The following IQCH variants were observed in gnomAD, a reference collection of about 807,000 sequenced individuals.
IQCH encodes the protein IQ domain-containing protein H.
Under a neutral mutation model 117.0 loss-of-function variants are expected in IQCH, and 98 were observed. The observed-to-expected ratio is 0.84, with a 90% CI of 0.71 to 0.99. The LOEUF is 0.99. IQCH is among the 50% of genes least tolerant of loss of function. The pLI, the probability that IQCH is intolerant of heterozygous loss-of-function variation, is 0.00. For missense variants in IQCH, 1,102 were observed against 1,243.8 expected (o/e 0.89, Z 1.72); for synonymous variants, 412 against 448.2 (o/e 0.92, Z 1.02).
Position 67,365,366 on chromosome 15 carries a change from T to C in IQCH, c.753+5481T>C, listed in dbSNP as rs1970296024. ...TAACTTGTATGATCATAGAACAGCTTTGTGCTGTGAACCCAGTCCAACTGG... is the reference window on the plus strand; with the variant it reads ...TAACTTGTATGATCATAGAACAGCTCTGTGCTGTGAACCCAGTCCAACTGG... On this transcript the variant is annotated intron_variant, in intron 8 of 20. Coordinates refer to ENST00000335894, the MANE Select transcript of IQCH (RefSeq NM_001031715.3). The surrounding 1 kb of genome is among the most constrained non-coding windows in gnomAD (Gnocchi z 4.4). Among the ~76,000 whole-genome samples the C allele has an allele frequency of 1.3e-5, 2 of 152,224 alleles. No individual in the cohort carries two copies. The highest frequency in any genetic ancestry group is 4.1e-4 in the South Asian group (2 of 4,836).
At chr15:67,415,096 T>G (rs2081544452) in intron 14 of IQCH, among the ~76,000 whole-genome samples, 1 of 152,144 alleles carries the variant, frequency 6.6e-6, no homozygotes, top group Admixed American at 6.6e-5. Context: ...AAAGATGGAT[T>G]TGGGGGACTG....
rs1402041608 is a variant in IQCH, at chr15:67,476,305, G to A, written c.2799+487G>A. 6.6e-6 allele frequency among the ~76,000 whole-genome samples: 1 copy of A among 152,254 alleles called. No individual in the cohort carries two copies. Among genetic ancestry groups the A allele is most frequent in the African/African-American group, 2.4e-5 (1 of 41,468 alleles). ...CTAGCAGATTTGGTTCCTGGTGAGG[G>A]CCTGCTTCCTGGCTTGTAAATGGCT... On this transcript the variant is annotated intron_variant, in intron 18 of 20. Transcript: ENST00000335894. The surrounding 1 kb of genome is among the most constrained non-coding windows in gnomAD (Gnocchi z 4.1).
chr15:67,469,184 CA>C (rs1052155600), intron 17 of IQCH, among the ~76,000 whole-genome samples: 4 of 152,170 alleles, frequency 2.6e-5, no homozygotes, highest in African/African-American at 9.6e-5. Flanking sequence ...CCACCTATTC[CA>C]AATGTGGTCA....
intron 15 of IQCH, among the ~76,000 whole-genome samples, chr15:67,420,660 A>T (rs139552184): frequency 8.2e-4 from 125 of 152,346 alleles, no homozygotes; most frequent in African/African-American, 2.9e-3. Context: ...GATTTTTGGC[A>T]TTCAAAGCAA....
At position 67,323,284 on chromosome 15, in the gene IQCH, C is replaced by A. The variant is rs67360912; in HGVS notation, c.388-13691C>A. Reference sequence around the variant, plus strand: ...TTGAGACGGAGTCTTGCTCTGTCGTCCAGGCTGGAGTGCAGTGGTGCGATC... The same window carrying A: ...TTGAGACGGAGTCTTGCTCTGTCGTACAGGCTGGAGTGCAGTGGTGCGATC... On this transcript the variant is annotated intron_variant, in intron 4 of 20. Transcript: ENST00000335894. Among the ~76,000 whole-genome samples, 250 of 139,110 alleles carry A rather than the reference C, an allele frequency of 1.8e-3. 2 individuals carry two copies. Among genetic ancestry groups the A allele is most frequent in the African/African-American group, 6.5e-3 (234 of 36,104 alleles). 91.3% of individuals were successfully genotyped at this position (139,110 alleles called of 152,430 possible).
At chr15:67,258,191 C>T (rs1344897520) in intron 1 of IQCH, among the ~76,000 whole-genome samples, 1 of 148,138 alleles carries the variant, frequency 6.8e-6, no homozygotes, top group Non-Finnish European at 1.5e-5. Context: ...GAGATTGCAC[C>T]AGTACACTCC....
Position 67,366,785 on chromosome 15 carries a change from C to T in IQCH, c.754-5326C>T, listed in dbSNP as rs928650239. Among the ~76,000 whole-genome samples the T allele has an allele frequency of 6.6e-6, 1 of 152,184 alleles. No homozygotes were observed. Among genetic ancestry groups the T allele is most frequent in the African/African-American group, 2.4e-5 (1 of 41,440 alleles). On this transcript the variant is annotated intron_variant, in intron 8 of 20. Transcript: ENST00000335894. This position sits in a 1 kb window ranked among gnomAD's most constrained non-coding sequence, Gnocchi z 4.4. Reference sequence around the variant, plus strand: ...GGCCCCAGAATACTGGAACACTACTCTTTGGGGTTCTCTCCCCATGACCAC... The same window carrying T: ...GGCCCCAGAATACTGGAACACTACTTTTTGGGGTTCTCTCCCCATGACCAC...
chr15:67,296,981 A>T (rs1404100163), intron 4 of IQCH, among the ~76,000 whole-genome samples: 1 of 152,116 alleles, frequency 6.6e-6, no homozygotes, highest in South Asian at 2.1e-4. Flanking sequence ...CTCCAATTCA[A>T]CTCCTGTAGG....
At chr15:67,271,277 T>A (rs1965889075) in intron 3 of IQCH, among the ~76,000 whole-genome samples, 1 of 152,228 alleles carries the variant, frequency 6.6e-6, no homozygotes. Flanking sequence ...CTATGGTGAA[T>A]GATCTTTTAA....
intron 8 of IQCH, among the ~76,000 whole-genome samples, chr15:67,362,296 A>G (rs949287298): frequency 6.7e-6 from 1 of 150,144 alleles, no homozygotes; most frequent in Non-Finnish European, 1.5e-5. Context: ...CTCCAAATTT[A>G]AAAAAAAAAT....
intron 14 of IQCH, among the ~76,000 whole-genome samples, chr15:67,414,218 G>A (rs190864015): frequency 2.8e-4 from 42 of 152,336 alleles, no homozygotes; most frequent in South Asian, 6.2e-4. Context: ...TAAGGACTAC[G>A]TCCTATGTTT....
chr15:67,255,536 A>G (rs1965130749), intron 1 of IQCH, among the ~76,000 whole-genome samples: 1 of 152,240 alleles, frequency 6.6e-6, no homozygotes, highest in Non-Finnish European at 1.5e-5. Context: ...TCAATTTGTA[A>G]TAGTTGCACT....
chr15:67,346,924 A>AAG (rs1423798209), intron 6 of IQCH, among the ~76,000 whole-genome samples: 2 of 152,062 alleles, frequency 1.3e-5, no homozygotes, highest in African/African-American at 4.8e-5. Flanking sequence ...CTTCTAAATA[A>AAG]CCCGTGGATC....
chr15:67,357,506 A>C (rs1485506051), intron 7 of IQCH, 85 bp downstream of exon 7: 1 of 871,862 alleles, frequency 1.1e-6, no homozygotes, highest in African/African-American at 1.7e-5. Flanking sequence ...CACGTTATTG[A>C]GTTGTACCTT....
intron 4 of IQCH, among the ~76,000 whole-genome samples, chr15:67,321,512 T>G: frequency 6.7e-6 from 1 of 149,926 alleles, no homozygotes; most frequent in East Asian, 2.0e-4. Context: ...TCTTTCTTTC[T>G]TTTTCTTTCT....
rs763884761 is a variant in IQCH, at chr15:67,416,907, G to T, written c.2098-24G>T. On this transcript the variant is annotated intron_variant, in intron 14 of 20. Transcript: ENST00000335894. This position sits in a 1 kb window ranked among gnomAD's most constrained non-coding sequence, Gnocchi z 5.1. ...CATTTCTGTAGTAAAATTGCTTGTGGTTCTATTTAATTTGTTTCTGCAGGA... is the reference window on the plus strand; with the variant it reads ...CATTTCTGTAGTAAAATTGCTTGTGTTTCTATTTAATTTGTTTCTGCAGGA... 4.5e-6 allele frequency: 7 copies of T among 1,549,596 alleles called. No individual in the cohort carries two copies. The Admixed American group carries it at 8.1e-5, about 18-fold the overall frequency.
At chr15:67,382,648 A>T (rs1970972853) in intron 10 of IQCH, among the ~76,000 whole-genome samples, 1 of 152,244 alleles carries the variant, frequency 6.6e-6, no homozygotes, top group African/African-American at 2.4e-5. Context: ...GCTAATATGT[A>T]GTATCTAAAC....
rs931092681 is a variant in IQCH at position 67,408,982 on chromosome 15, G to A, written c.2098-7949G>A. Among the ~76,000 whole-genome samples the A allele has an allele frequency of 6.6e-5, 10 of 152,102 alleles. No homozygotes were observed. The highest frequency in any genetic ancestry group is 2.2e-4 in the African/African-American group (9 of 41,482). On this transcript the variant is annotated intron_variant, in intron 14 of 20. Transcript: ENST00000335894. The surrounding 1 kb of genome is among the most constrained non-coding windows in gnomAD (Gnocchi z 4.2). ...AAAACCATTTTCCAATGTTAAAAAC[G>A]TTTCTAAAACACCAGTCACTTGCTG...
At position 67,422,616 on chromosome 15, in the gene IQCH, T is replaced by C. The variant is rs996770489; in HGVS notation, c.2505+1039T>C. 2.6e-5 allele frequency among the ~76,000 whole-genome samples: 4 copies of C among 152,242 alleles called. No homozygotes were observed. The highest frequency in any genetic ancestry group is 9.6e-5 in the African/African-American group (4 of 41,462). On this transcript the variant is annotated intron_variant, in intron 16 of 20. Coordinates refer to ENST00000335894, the MANE Select transcript of IQCH (RefSeq NM_001031715.3). This position sits in a 1 kb window ranked among gnomAD's most constrained non-coding sequence, Gnocchi z 4.7. ...TGTAGAGTTTTATTTTGCATGTTTT[T>C]AAGAATTTTGTAGATCATAACATTC...
Sources: allele counts gnomAD v4.1 joint callset (sites outside exome capture counted in the v4.1 genomes callset), GRCh38; gene constraint gnomAD v4.1.1; non-coding constraint Gnocchi (gnomAD v3.1); transcripts MANE v1.5; gene names NCBI Gene and HGNC (gene_info 2026-07-23, HGNC 2026-07-21).